Variants in CD226 observed in about 807,000 individuals in gnomAD.
CD226 encodes CD226 antigen.
CD226 carries 24 observed loss-of-function variants against 34.9 expected under a neutral mutation model. The observed-to-expected ratio is 0.69, with a 90% CI of 0.50 to 0.97. The LOEUF is 0.97. Among genes scored for constraint, CD226 ranks in the 50% least tolerant of loss-of-function variants. CD226 has a pLI of 0.00. For synonymous variants in CD226, 148 were observed against 147.4 expected (o/e 1.00, Z -0.03); for missense variants, 397 against 412.7 (o/e 0.96, Z 0.33).
chr18:69,891,399 A>G (rs1398116186), intron 3 of CD226, among the ~76,000 whole-genome samples: 2 of 152,246 alleles, frequency 1.3e-5, no homozygotes, highest in Non-Finnish European at 2.9e-5. Flanking sequence ...TGTAAGACTG[A>G]GAACTTTTGC....
intron 2 of CD226, among the ~76,000 whole-genome samples, chr18:69,929,281 C>G (rs980728174): frequency 2.6e-5 from 4 of 152,146 alleles, no homozygotes; most frequent in Non-Finnish European, 5.9e-5. Context: ...TGTTTGCAAA[C>G]TGTGGTGTGG....
Position 69,855,014 on chromosome 18 carries a change from TTAAAC to T in CD226, c.*9295_*9299del, listed in dbSNP as rs1982571033. 6.6e-6 allele frequency: 1 copy of T among 152,094 alleles called. No homozygotes were observed. Among genetic ancestry groups the T allele is most frequent in the Non-Finnish European group, 1.5e-5 (1 of 68,014 alleles). 9.4% of individuals were successfully genotyped at this position (152,094 alleles called of 1,614,324 possible). ...TTAGCACCTATGGTTATAACAGACTTTAAACACAGTCTAATAGTTAGTCAGATTAA... is the reference window on the plus strand; with the variant it reads ...TTAGCACCTATGGTTATAACAGACTTACAGTCTAATAGTTAGTCAGATTAA... On this transcript the variant is annotated 3_prime_UTR_variant, in exon 6 of 6. Transcript: ENST00000582621.
At chr18:69,959,800 C>T (rs2055921121), upstream of CD226, among the ~76,000 whole-genome samples, 2 of 152,062 alleles carry the variant, frequency 1.3e-5, no homozygotes, top group South Asian at 2.1e-4. Context: ...TCAGATCAGC[C>T]GTAATCTTGC....
At chr18:69,917,843 T>C (rs2055404582) in intron 2 of CD226, among the ~76,000 whole-genome samples, 1 of 152,218 alleles carries the variant, frequency 6.6e-6, no homozygotes, top group East Asian at 1.9e-4. Context: ...TTGTTGATTA[T>C]GCTTTGAGAT....
intron 5 of CD226, among the ~76,000 whole-genome samples, chr18:69,866,867 G>A (rs927021289): frequency 6.6e-6 from 1 of 152,154 alleles, no homozygotes; most frequent in Non-Finnish European, 1.5e-5. Context: ...AGTGATGAGA[G>A]GGGCAGAGAT....
intron 2 of CD226, among the ~76,000 whole-genome samples, chr18:69,913,577 G>A (rs996152963): frequency 6.6e-6 from 1 of 152,154 alleles, no homozygotes. Context: ...GATCATCTTA[G>A]AGCAAACTCA....
chr18:69,907,580 GATT>G (rs1324226106), intron 2 of CD226, among the ~76,000 whole-genome samples: 1 of 152,190 alleles, frequency 6.6e-6, no homozygotes, highest in Non-Finnish European at 1.5e-5. Flanking sequence ...AAAGTGCTGG[GATT>G]ACAGGTGTGT....
chr18:69,918,646 A>T (rs2055414701), intron 2 of CD226, among the ~76,000 whole-genome samples: 1 of 152,238 alleles, frequency 6.6e-6, no homozygotes, highest in Admixed American at 6.5e-5. Context: ...CTTAGGAACT[A>T]ATAAGGAAGC....
chr18:69,893,110 G>T (rs1199834737), intron 3 of CD226, among the ~76,000 whole-genome samples: 4 of 152,098 alleles, frequency 2.6e-5, no homozygotes, highest in African/African-American at 7.2e-5. Context: ...ATTGAAAAAA[G>T]GAATTAAACT....
chr18:69,929,235 T>C (rs1303517956), intron 2 of CD226, among the ~76,000 whole-genome samples: 2 of 152,190 alleles, frequency 1.3e-5, no homozygotes. Flanking sequence ...CTTCCAAAAA[T>C]GTGTTGGTCA....
At chr18:69,885,652 T>G in intron 3 of CD226, among the ~76,000 whole-genome samples, 1 of 152,150 alleles carries the variant, frequency 6.6e-6, no homozygotes, top group Non-Finnish European at 1.5e-5. Context: ...AGGTCTCCTT[T>G]GCGCAGAGGC....
In CD226 at chr18:69,873,197, T is replaced by C; in HGVS notation, c.777A>G (p.Leu259=). Residue 259 remains leucine (L), a synonymous_variant, in exon 4 of 6, where the codon TTA becomes TTG. Transcript: ENST00000582621. ...YTLFVAGGTV[L]LLLFVISITT... ...TAATTGAGATAACAAACAACAACAATAAAACTGTCCCTCCAGCCACAAAGA... is the reference window on the plus strand; with the variant it reads ...TAATTGAGATAACAAACAACAACAACAAAACTGTCCCTCCAGCCACAAAGA... 6.2e-7 allele frequency: 1 copy of C among 1,611,434 alleles called. No individual in the cohort carries two copies. The highest frequency in any genetic ancestry group is 8.5e-7 in the Non-Finnish European group (1 of 1,177,904).
chr18:69,905,533 G>A (rs889184896), intron 2 of CD226, among the ~76,000 whole-genome samples: 1 of 152,186 alleles, frequency 6.6e-6, no homozygotes, highest in African/African-American at 2.4e-5. Context: ...AGAGGGCAGA[G>A]AAGGAGAGTG....
At chr18:69,907,310 C>T (rs992013512) in intron 2 of CD226, among the ~76,000 whole-genome samples, 2 of 152,094 alleles carry the variant, frequency 1.3e-5, no homozygotes, top group African/African-American at 4.8e-5. Flanking sequence ...AACCAGATTC[C>T]TAAATGTCTT....
At chr18:69,908,615 C>T (rs533848341) in intron 2 of CD226, among the ~76,000 whole-genome samples, 1 of 143,508 alleles carries the variant, frequency 7.0e-6, no homozygotes, top group South Asian at 2.1e-4. Context: ...CTAATTGTAG[C>T]CCCTTTTCCC....
At chr18:69,889,585 C>T (rs995099824) in intron 3 of CD226, among the ~76,000 whole-genome samples, 8 of 152,032 alleles carry the variant, frequency 5.3e-5, no homozygotes, top group Middle Eastern at 3.2e-3. Flanking sequence ...AAATAAAAGG[C>T]CAAGGAAATA....
At chr18:69,912,883 T>TTC (rs149090692) in intron 2 of CD226, among the ~76,000 whole-genome samples, 6,447 of 152,132 alleles carry the variant, frequency 0.042, 477 homozygotes, top group African/African-American at 0.15. Context: ...TGGGATCTGT[T>TTC]TCTCTCTCTC....
chr18:69,913,852 T>TATA (rs2055355179), intron 2 of CD226, among the ~76,000 whole-genome samples: 1 of 152,114 alleles, frequency 6.6e-6, no homozygotes, highest in Non-Finnish European at 1.5e-5. Context: ...CTAAAAGAAT[T>TATA]GGAGAATTAT....
intron 1 of CD226, among the ~76,000 whole-genome samples, chr18:69,956,280 C>T (rs141555859): frequency 6.6e-6 from 1 of 152,360 alleles, no homozygotes; most frequent in African/African-American, 2.4e-5. Flanking sequence ...AGACACCACA[C>T]GGCCCACAAA....
Sources: gnomAD v4.1 joint callset for allele counts (sites outside exome capture counted in the v4.1 genomes callset) on GRCh38, gnomAD v4.1.1 for gene constraint, MANE v1.5 for transcripts, NCBI Gene and HGNC (gene_info 2026-07-23, HGNC 2026-07-21) for gene names.